Variants in OSBPL9 observed in about 807,000 individuals in gnomAD.
OSBPL9 encodes oxysterol binding protein like 9, also known as oxysterol-binding protein-related protein 9.
In OSBPL9, 40 loss-of-function variants were observed where a neutral mutation model predicts 106.6. That is an observed-to-expected ratio of 0.38 (90% confidence interval 0.29 to 0.49). The LOEUF is 0.49. OSBPL9 is among the 20% of genes least tolerant of loss of function. OSBPL9 has a pLI of 0.97. For missense variants in OSBPL9, 609 were observed against 887.2 expected, an observed-to-expected ratio of 0.69 and a Z score of 3.98; for synonymous variants, 269 against 295.4, an observed-to-expected ratio of 0.91 and a Z score of 0.92.
chr1:51,598,481 C>T (rs868860354), intron 2 of OSBPL9, among the ~76,000 whole-genome samples: 10 of 152,122 alleles, frequency 6.6e-5, no homozygotes, highest in Admixed American at 6.6e-5. Flanking sequence ...GAGGGCTGTC[C>T]GCTGTATTGT....
chr1:51,719,026 T>C (rs546621452), intron 4 of OSBPL9, among the ~76,000 whole-genome samples: 21 of 152,312 alleles, frequency 1.4e-4, no homozygotes, highest in African/African-American at 5.1e-4. Flanking sequence ...TGACTCTTTT[T>C]CCCCCTAATC....
rs550475153 is a variant in OSBPL9 at position 51,603,763 on chromosome 1, G to T, written c.-353+5570G>T. Among the ~76,000 whole-genome samples the T allele has an allele frequency of 1.2e-4, 18 of 152,326 alleles. No individual in the cohort carries two copies. The South Asian group carries it at 3.3e-3, about 28-fold the overall frequency. ...CCCTGTGGTGTATGTAGTAGAAAAA[G>T]TATGTGTCTTGGTTTGGGTTGGAGT... On this transcript the variant is annotated intron_variant, in intron 2 of 25. Coordinates refer to the OSBPL9 transcript ENST00000371714.
At chr1:51,731,793 A>C (rs912561586) in intron 4 of OSBPL9, among the ~76,000 whole-genome samples, 13 of 151,390 alleles carry the variant, frequency 8.6e-5, no homozygotes, top group East Asian at 1.9e-4. Context: ...AAAAAAAAAA[A>C]CTCTTAAAGA....
chr1:51,749,818 T>C (rs1668846314), intron 7 of OSBPL9, among the ~76,000 whole-genome samples: 1 of 151,474 alleles, frequency 6.6e-6, no homozygotes, highest in East Asian at 1.9e-4. Flanking sequence ...TGTGCTATAA[T>C]TGTGCCTGTG....
At chr1:51,607,711 C>T (rs1206311368) in intron 2 of OSBPL9, among the ~76,000 whole-genome samples, 1 of 152,168 alleles carries the variant, frequency 6.6e-6, no homozygotes, top group Admixed American at 6.5e-5. Flanking sequence ...TATCTGTTAG[C>T]AGCAGTGAAT....
intron 4 of OSBPL9, among the ~76,000 whole-genome samples, chr1:51,721,782 C>T (rs144314245): frequency 5.5e-4 from 84 of 152,276 alleles, no homozygotes; most frequent in Non-Finnish European, 1.1e-3. Context: ...CCCTTGAAGT[C>T]CTTTGTCTCC....
chr1:51,566,671 C>T, the OSBPL9 span: 1 of 152,308 alleles, frequency 6.6e-6, no homozygotes, highest in Admixed American at 6.5e-5. Context: ...TTACCACACT[C>T]TTTAACCCAT....
chr1:51,692,769 C>T (rs1655244399), intron 3 of OSBPL9, among the ~76,000 whole-genome samples: 1 of 151,442 alleles, frequency 6.6e-6, no homozygotes, highest in Non-Finnish European at 1.5e-5. Flanking sequence ...CTTAGCAATC[C>T]TCCTACCTTA....
chr1:51,776,907 C>T lies in OSBPL9; in HGVS notation c.1245C>T (p.Asp415=). The change falls in exon 15 of 24, where the codon GAC becomes GAT. Residue 415 remains aspartate, a synonymous_variant. Coordinates refer to ENST00000428468, the MANE Select transcript of OSBPL9 (RefSeq NM_024586.6). ...EMYADFFAHP[D]LFVSISDQKD... Reference sequence around the variant, plus strand: ...ATGCAGACTTTTTTGCACATCCGGACCTGTTTGTGAGGTATTTGACTGAAC... The same window carrying T: ...ATGCAGACTTTTTTGCACATCCGGATCTGTTTGTGAGGTATTTGACTGAAC... The T allele has an allele frequency of 6.2e-7, 1 of 1,609,142 alleles. No individual in the cohort carries two copies. The highest frequency in any genetic ancestry group is 8.5e-7 in the Non-Finnish European group (1 of 1,175,734).
chr1:51,612,833 T>C (rs1022678714), upstream of OSBPL9, among the ~76,000 whole-genome samples: 1 of 152,228 alleles, frequency 6.6e-6, no homozygotes, highest in Non-Finnish European at 1.5e-5. Flanking sequence ...ACATAAACAA[T>C]GAAGATATAG....
chr1:51,571,484 A>G, the OSBPL9 span, among the ~76,000 whole-genome samples: 2 of 152,106 alleles, frequency 1.3e-5, no homozygotes, highest in African/African-American at 4.8e-5. Flanking sequence ...TGGGCAACAT[A>G]ATGAGACCTT....
At chr1:51,671,027 C>T (rs1465313357) in intron 3 of OSBPL9, among the ~76,000 whole-genome samples, 1 of 152,224 alleles carries the variant, frequency 6.6e-6, no homozygotes, top group Non-Finnish European at 1.5e-5. Flanking sequence ...TCCCCTTTGG[C>T]ACTCTCATAC....
At chr1:51,658,410 T>A (rs952738605) in intron 2 of OSBPL9, among the ~76,000 whole-genome samples, 8 of 152,054 alleles carry the variant, frequency 5.3e-5, no homozygotes, top group African/African-American at 1.9e-4. Context: ...TACAGATGAA[T>A]CTCAGATTCT....
chr1:51,678,907 G>A (rs1300745149), intron 3 of OSBPL9, among the ~76,000 whole-genome samples: 1 of 152,148 alleles, frequency 6.6e-6, no homozygotes, highest in Non-Finnish European at 1.5e-5. Flanking sequence ...ACTATCACTA[G>A]TAAACAGAGG....
chr1:51,589,289 A>G (rs539277793), intron 1 of OSBPL9, among the ~76,000 whole-genome samples: 24 of 152,132 alleles, frequency 1.6e-4, no homozygotes, highest in Admixed American at 1.2e-3. Flanking sequence ...GGGTTTTGCC[A>G]TGTTGCCCAG....
chr1:51,745,650 T>C lies in OSBPL9; in HGVS notation c.414+19T>C. 5 of 1,487,540 alleles carry C rather than the reference T, an allele frequency of 3.4e-6. No homozygotes were observed. Among genetic ancestry groups the C allele is most frequent in the Non-Finnish European group, 4.5e-6 (5 of 1,123,590 alleles). The allele number at this position is 1,487,540 out of a possible 1,614,324, so 92.1% of individuals were successfully genotyped here. A position where few individuals can be genotyped will look rare whatever the true frequency, so the allele number is the denominator to read the frequency against. ...ATTAAAGGTATGGCATTAGTTTGTA[T>C]ATTAAATTTATATAAATAGAAAATG... On this transcript the variant is annotated intron_variant, in intron 5 of 23. Coordinates refer to ENST00000428468, the MANE Select transcript of OSBPL9 (RefSeq NM_024586.6).
chr1:51,787,744 T>C lies in OSBPL9; in HGVS notation c.2166T>C (p.Val722=), dbSNP rs781252078. 6.2e-7 allele frequency: 1 copy of C among 1,613,750 alleles called. No individual in the cohort carries two copies. Among genetic ancestry groups the C allele is most frequent in the South Asian group, 1.1e-5 (1 of 91,072 alleles). ...RLFHEDGECW[V]YDEPLLKRLG... ...TTCATGAAGATGGAGAATGCTGGGTTTATGATGAACCATTACTGAAACGTC... is the reference window on the plus strand; with the variant it reads ...TTCATGAAGATGGAGAATGCTGGGTCTATGATGAACCATTACTGAAACGTC... The change falls in exon 24 of 24, where the codon GTT becomes GTC. Residue 722 remains valine (V), a synonymous_variant. Coordinates refer to ENST00000428468, the MANE Select transcript of OSBPL9 (RefSeq NM_024586.6).
intron 20 of OSBPL9, 197 bp downstream of exon 20, chr1:51,784,779 G>T (rs1034822101): frequency 1.6e-6 from 1 of 640,548 alleles, no homozygotes; most frequent in African/African-American, 1.8e-5. Flanking sequence ...AGCAGTCAGA[G>T]GTCATTGATA....
At position 51,784,505 on chromosome 1, in the gene OSBPL9, A is replaced by G. The variant is rs1345018534; in HGVS notation, c.1752A>G (p.Thr584=). 1.2e-6 allele frequency: 2 copies of G among 1,613,704 alleles called. No individual in the cohort carries two copies. The highest frequency in any genetic ancestry group is 2.2e-5 in the East Asian group (1 of 44,888). The stretch of plus-strand genomic sequence containing the variant: ...AATGCAATATTAATTGTTCCAAAAC[A>G]GGCTATAGTGCAAATATCATCTTCC... ...GGECNINCSK[T]GYSANIIFHT... The change falls in exon 20 of 24, where the codon ACA becomes ACG. Residue 584 remains threonine (T), a synonymous_variant. Coordinates refer to ENST00000428468, the MANE Select transcript of OSBPL9 (RefSeq NM_024586.6).
Sources: allele counts gnomAD v4.1 joint callset (sites outside exome capture counted in the v4.1 genomes callset), GRCh38; gene constraint gnomAD v4.1.1; transcripts MANE v1.5; gene names NCBI Gene and HGNC (gene_info 2026-07-23, HGNC 2026-07-21).